The following NCALD variants were observed in gnomAD, a reference collection of about 807,000 sequenced individuals.
NCALD encodes neurocalcin-delta.
In NCALD, 10 loss-of-function variants were observed where a neutral mutation model predicts 18.6. The ratio of observed to expected loss-of-function variants is 0.54; its 90% CI spans 0.33 to 0.91. The LOEUF (loss-of-function observed/expected upper bound fraction) is 0.91. Among genes scored for constraint, NCALD ranks in the 40% least tolerant of loss-of-function variants. The pLI is 0.03. For missense variants in NCALD, 184 were observed against 247.6 expected, an observed-to-expected ratio of 0.74 and a Z score of 1.72; for synonymous variants, 88 against 87.4, an observed-to-expected ratio of 1.01 and a Z score of -0.04.
At chr8:101,710,840 T>C (rs896840838) in intron 2 of NCALD, among the ~76,000 whole-genome samples, 1 of 152,212 alleles carries the variant, frequency 6.6e-6, no homozygotes, top group African/African-American at 2.4e-5. Context: ...GGGTGCAGCT[T>C]CAGCAGACTT....
intron 4 of NCALD, among the ~76,000 whole-genome samples, chr8:101,805,040 C>T (rs541721928): frequency 2.6e-5 from 4 of 152,114 alleles, no homozygotes; most frequent in Non-Finnish European, 5.9e-5. Context: ...CTTTGAAAAG[C>T]TCCATGGACC....
chr8:101,771,506 GC>G (rs1223416699), intron 1 of NCALD, among the ~76,000 whole-genome samples: 1 of 152,186 alleles, frequency 6.6e-6, no homozygotes, highest in African/African-American at 2.4e-5. Flanking sequence ...TTGGGGGCAG[GC>G]TTTACTGCCA....
At chr8:101,806,147 C>A (rs538551387) in intron 4 of NCALD, among the ~76,000 whole-genome samples, 1 of 151,720 alleles carries the variant, frequency 6.6e-6, no homozygotes, top group Non-Finnish European at 1.5e-5. Context: ...GGAAAATAGA[C>A]CTCACTAAAA....
intron 2 of NCALD, among the ~76,000 whole-genome samples, chr8:101,965,186 C>G (rs1303207053): frequency 6.6e-6 from 1 of 152,170 alleles, no homozygotes; most frequent in African/African-American, 2.4e-5. Context: ...TTAGTTCAAC[C>G]ATTGTGGAAG....
chr8:101,984,351 C>T (rs1244417258), intron 2 of NCALD, among the ~76,000 whole-genome samples: 1 of 152,176 alleles, frequency 6.6e-6, no homozygotes, highest in African/African-American at 2.4e-5. Context: ...TTGATAAATA[C>T]CAGTATAACA....
intron 1 of NCALD, among the ~76,000 whole-genome samples, chr8:102,111,020 C>T (rs1259907131): frequency 1.3e-5 from 2 of 151,646 alleles, no homozygotes; most frequent in African/African-American, 2.4e-5. Context: ...AAGAAAAAAA[C>T]TCTATATTAA....
intron 2 of NCALD, among the ~76,000 whole-genome samples, chr8:101,934,358 C>A (rs1282097753): frequency 1.3e-5 from 2 of 151,926 alleles, no homozygotes; most frequent in Non-Finnish European, 1.5e-5. Context: ...GGGAAGAATT[C>A]CAGGTACACG....
chr8:101,763,376 A>G (rs1811194481), intron 1 of NCALD, among the ~76,000 whole-genome samples: 1 of 152,192 alleles, frequency 6.6e-6, no homozygotes. Context: ...TAACTGAGAT[A>G]TGAAAGGAGG....
intron 1 of NCALD, among the ~76,000 whole-genome samples, chr8:102,026,546 C>T (rs1822464517): frequency 6.6e-6 from 1 of 152,198 alleles, no homozygotes; most frequent in South Asian, 2.1e-4. Context: ...GAGGTGGGCT[C>T]CCATGGCCTT....
chr8:102,056,359 ACCTGGCTTCTCTGAGT>A (rs1823649927), intron 1 of NCALD, among the ~76,000 whole-genome samples: 1 of 152,216 alleles, frequency 6.6e-6, no homozygotes, highest in Non-Finnish European at 1.5e-5. Context: ...TGAGGAAGTC[ACCTGGCTTCTCTGAGT>A]GCCAGCTTTG....
chr8:102,027,342 C>CTG (rs1822495563), intron 1 of NCALD, among the ~76,000 whole-genome samples: 1 of 152,186 alleles, frequency 6.6e-6, no homozygotes, highest in African/African-American at 2.4e-5. Context: ...GCCAGATACC[C>CTG]TATATCATCT....
chr8:101,820,238 G>A (rs994460872), intron 4 of NCALD, among the ~76,000 whole-genome samples: 7 of 152,116 alleles, frequency 4.6e-5, no homozygotes, highest in African/African-American at 7.2e-5. Flanking sequence ...AAAATTTAAG[G>A]TGTCTTTTAG....
At chr8:101,726,948 A>G (rs1816599000) in intron 1 of NCALD, among the ~76,000 whole-genome samples, 1 of 152,222 alleles carries the variant, frequency 6.6e-6, no homozygotes, top group African/African-American at 2.4e-5. Context: ...GGGAGATGAG[A>G]AGGAGCCAGT....
At chr8:102,049,862 T>A (rs768602390) in intron 1 of NCALD, among the ~76,000 whole-genome samples, 3 of 152,144 alleles carry the variant, frequency 2.0e-5, no homozygotes, top group Non-Finnish European at 4.4e-5. Context: ...GCCCATTTTT[T>A]AAAAATTGAG....
At chr8:101,833,684 G>T (rs190997550) in intron 4 of NCALD, among the ~76,000 whole-genome samples, 3 of 137,210 alleles carry the variant, frequency 2.2e-5, no homozygotes, top group Non-Finnish European at 4.5e-5. Flanking sequence ...CCCCCAGCTC[G>T]GATATCCCCA....
intron 1 of NCALD, among the ~76,000 whole-genome samples, chr8:102,085,271 T>C (rs576635151): frequency 3.3e-5 from 5 of 152,304 alleles, no homozygotes; most frequent in East Asian, 3.9e-4. Flanking sequence ...TGCCACCCAA[T>C]TGTGAAACAA....
intron 4 of NCALD, among the ~76,000 whole-genome samples, chr8:101,812,142 T>G (rs1359619215): frequency 6.6e-6 from 1 of 152,170 alleles, no homozygotes; most frequent in Non-Finnish European, 1.5e-5. Context: ...TTCTAAGTAG[T>G]TATCAACCAA....
In NCALD at chr8:101,712,696, T is replaced by G. The variant is rs185533785; in HGVS notation, c.378+6556A>C. Among the ~76,000 whole-genome samples the G allele has an allele frequency of 7.8e-3, 1,177 of 150,186 alleles. 14 individuals are homozygous for G. Among genetic ancestry groups the G allele is most frequent in the Middle Eastern group, 0.011 (3 of 284 alleles). ...AAAGACAAAGAAGGGCATTACATAATGGTAAAGGGATCAATGCAACAAGAA... is the reference window on the plus strand; with the variant it reads ...AAAGACAAAGAAGGGCATTACATAAGGGTAAAGGGATCAATGCAACAAGAA... On this transcript the variant is annotated intron_variant, in intron 2 of 3. Transcript: ENST00000220931.
At chr8:102,065,273 T>C (rs637403) in intron 1 of NCALD, among the ~76,000 whole-genome samples, 128,280 of 151,238 alleles carry the variant, frequency 0.85, 55,086 homozygotes, top group African/African-American at 0.97. Flanking sequence ...TTTTCATATC[T>C]GCCCATATAT....
Sources: allele counts gnomAD v4.1 joint callset (sites outside exome capture counted in the v4.1 genomes callset), GRCh38; gene constraint gnomAD v4.1.1; transcripts MANE v1.5; gene names NCBI Gene and HGNC (gene_info 2026-07-23, HGNC 2026-07-21).